VPS13B: variants seen among roughly 807,000 people sequenced by gnomAD.
The protein encoded by VPS13B is intermembrane lipid transfer protein VPS13B.
VPS13B carries 285 observed loss-of-function variants against 426.4 expected under a neutral mutation model. The ratio of observed to expected loss-of-function variants is 0.67; its 90% CI spans 0.61 to 0.74. The LOEUF is 0.74. VPS13B is among the 30% of genes least tolerant of loss of function. The probability of loss-of-function intolerance (pLI) is 0.00; values close to 1 mark genes in which losing one functional copy is unlikely to be tolerated. For synonymous variants in VPS13B, 1,676 were observed against 1,676.4 expected (o/e 1.00, Z 0.01); for missense variants, 4,537 against 4,782.6 (o/e 0.95, Z 1.51).
At chr8:99,561,821 A>G (rs1824938109) in intron 31 of VPS13B, among the ~76,000 whole-genome samples, 1 of 152,360 alleles carries the variant, frequency 6.6e-6, no homozygotes, top group African/African-American at 2.4e-5. Flanking sequence ...CTATCCATTT[A>G]TCCACTGATG....
intron 35 of VPS13B, among the ~76,000 whole-genome samples, chr8:99,666,283 A>T (rs993600867): frequency 6.6e-6 from 1 of 152,200 alleles, no homozygotes. Context: ...GTAGAAAAAC[A>T]GGGAATCCTC....
At chr8:99,076,606 CTT>C (rs1461559932) in intron 3 of VPS13B, among the ~76,000 whole-genome samples, 4 of 91,914 alleles carry the variant, frequency 4.4e-5, no homozygotes, top group East Asian at 5.3e-4. Context: ...TAATTAATGA[CTT>C]TGTCTTTTTT....
intron 20 of VPS13B, among the ~76,000 whole-genome samples, chr8:99,386,557 A>C (rs1814137156): frequency 6.6e-6 from 1 of 152,208 alleles, no homozygotes; most frequent in Admixed American, 6.5e-5. Flanking sequence ...ATATCTAAAC[A>C]TAGAAAAGGT....
chr8:99,312,623 T>G (rs1224740693), intron 19 of VPS13B, among the ~76,000 whole-genome samples: 1 of 152,336 alleles, frequency 6.6e-6, no homozygotes, highest in East Asian at 1.9e-4. Context: ...ATTTCAACTT[T>G]GGTGAATCTG....
rs543267436 is a variant in VPS13B, at chr8:99,869,500, G to A, written c.11392+1035G>A. Among the ~76,000 whole-genome samples the A allele has an allele frequency of 2.0e-5, 3 of 152,260 alleles. No individual in the cohort carries two copies. The South Asian group carries it at 6.2e-4, about 32-fold the overall frequency. On this transcript the variant is annotated intron_variant, in intron 59 of 61. Coordinates refer to ENST00000357162, the MANE Select transcript of VPS13B (RefSeq NM_152564.5). ...CAGACGCCAGCATGTGTTCCTCTTC[G>A]CTTTCCCCTCCTCGCCCGCCTCATT...
intron 39 of VPS13B, among the ~76,000 whole-genome samples, chr8:99,747,686 T>C (rs1326720152): frequency 2.0e-5 from 3 of 152,076 alleles, no homozygotes; most frequent in Admixed American, 2.0e-4. Context: ...TATTGTTTTG[T>C]TGTTTATTGT....
intron 4 of VPS13B, among the ~76,000 whole-genome samples, chr8:99,099,514 C>G (rs1846613913): frequency 6.6e-6 from 1 of 151,922 alleles, no homozygotes; most frequent in Non-Finnish European, 1.5e-5. Flanking sequence ...TTAAGACTAT[C>G]AGAGAAATAA....
At chr8:99,831,076 C>CTTTTTTTTTTTT (rs773817774) in intron 51 of VPS13B, among the ~76,000 whole-genome samples, 26,378 of 116,598 alleles carry the variant, frequency 0.23, 3,954 homozygotes, top group East Asian at 0.33. Context: ...GTGTTTTTTT[C>CTTTTTTTTTTTT]TTTTTTTTTT....
At chr8:99,727,850 A>G (rs1435243845) in intron 39 of VPS13B, among the ~76,000 whole-genome samples, 1 of 152,240 alleles carries the variant, frequency 6.6e-6, no homozygotes, top group Non-Finnish European at 1.5e-5. Context: ...GTTGGAATAG[A>G]TCTTCCTGGC....
intron 54 of VPS13B, among the ~76,000 whole-genome samples, chr8:99,845,451 C>G (rs1484877787): frequency 6.6e-6 from 1 of 152,210 alleles, no homozygotes; most frequent in Non-Finnish European, 1.5e-5. Flanking sequence ...CCTGGGATCA[C>G]TCGTGCATCT....
At chr8:99,529,850 C>T (rs1822837879) in intron 30 of VPS13B, among the ~76,000 whole-genome samples, 1 of 152,168 alleles carries the variant, frequency 6.6e-6, no homozygotes, top group Non-Finnish European at 1.5e-5. Context: ...GACAAAATCC[C>T]TGTCTTTTAA....
intron 3 of VPS13B, among the ~76,000 whole-genome samples, chr8:99,056,130 C>T (rs1352129286): frequency 2.6e-5 from 4 of 151,814 alleles, no homozygotes; most frequent in Non-Finnish European, 5.9e-5. Flanking sequence ...GATCTCAGCT[C>T]ACTGGAACCT....
intron 3 of VPS13B, among the ~76,000 whole-genome samples, chr8:99,075,293 T>TGG (rs978698196): frequency 6.6e-6 from 1 of 152,268 alleles, no homozygotes; most frequent in African/African-American, 2.4e-5. Flanking sequence ...GCCTAGCTTC[T>TGG]GGGGAGGTCT....
chr8:99,016,639 T>C (rs189277674), intron 2 of VPS13B, among the ~76,000 whole-genome samples: 6,735 of 144,946 alleles, frequency 0.046, 230 homozygotes, highest in Middle Eastern at 0.074. Flanking sequence ...TTGCCCAGGC[T>C]GGAGTGCAGT....
chr8:99,719,895 T>G (rs867202956), intron 37 of VPS13B, among the ~76,000 whole-genome samples: 1 of 152,142 alleles, frequency 6.6e-6, no homozygotes. Flanking sequence ...CCTCTAAAAG[T>G]GCAGAGAAAG....
At chr8:99,032,532 CTTT>C (rs372714195) in intron 2 of VPS13B, among the ~76,000 whole-genome samples, 5 of 135,626 alleles carry the variant, frequency 3.7e-5, no homozygotes, top group Admixed American at 7.3e-5. Context: ...TCTTTCTTTT[CTTT>C]TTTTTTTTTT....
intron 39 of VPS13B, among the ~76,000 whole-genome samples, chr8:99,758,081 T>C (rs1474681486): frequency 6.6e-6 from 1 of 152,204 alleles, no homozygotes; most frequent in African/African-American, 2.4e-5. Flanking sequence ...TAACAAATCC[T>C]TAGTTATAGA....
chr8:99,360,160 T>TTCTTTCTC (rs1450759252), intron 19 of VPS13B, among the ~76,000 whole-genome samples: 2 of 37,344 alleles, frequency 5.4e-5, no homozygotes, highest in African/African-American at 2.7e-4. Context: ...CTTTCTTTCT[T>TTCTTTCTC]TCTTTCTTTC....
At chr8:99,059,507 T>C (rs575492931) in intron 3 of VPS13B, among the ~76,000 whole-genome samples, 7 of 152,094 alleles carry the variant, frequency 4.6e-5, no homozygotes, top group African/African-American at 1.7e-4. Context: ...ACTGTATCAA[T>C]TGATACAGTC....
Sources: gnomAD v4.1 joint callset for allele counts (sites outside exome capture counted in the v4.1 genomes callset) on GRCh38, gnomAD v4.1.1 for gene constraint, MANE v1.5 for transcripts, NCBI Gene and HGNC (gene_info 2026-07-23, HGNC 2026-07-21) for gene names.